The following CNTN4 variants were observed in gnomAD, a reference collection of about 807,000 sequenced individuals.
CNTN4 encodes contactin 4.
A neutral mutation model predicts 122.5 loss-of-function variants in CNTN4; 77 were observed. That is an observed-to-expected ratio of 0.63 (90% CI 0.52 to 0.76). CNTN4 has a LOEUF of 0.76. Ranked by LOEUF, CNTN4 falls within the 30% of genes least tolerant of loss-of-function variation. The pLI is 0.00. For missense variants in CNTN4, 1,256 were observed against 1,259.1 expected (o/e 1.00, Z 0.04); for synonymous variants, 512 against 447.0 (o/e 1.15, Z -1.83).
intron 4 of CNTN4, among the ~76,000 whole-genome samples, chr3:2,609,616 T>C (rs1356584922): frequency 6.6e-6 from 1 of 152,180 alleles, no homozygotes; most frequent in Admixed American, 6.5e-5. Flanking sequence ...ATCTCTAAAG[T>C]TAATTAAACA....
chr3:2,737,278 A>G (rs1226893988), intron 5 of CNTN4, among the ~76,000 whole-genome samples: 1 of 151,916 alleles, frequency 6.6e-6, no homozygotes, highest in Non-Finnish European at 1.5e-5. Flanking sequence ...ATGGGGTTTC[A>G]CCATGTTGGC....
chr3:3,039,582 G>T (rs1574899242), intron 19 of CNTN4: 1 of 211,436 alleles, frequency 4.7e-6, no homozygotes, highest in East Asian at 1.1e-4. Context: ...AGCAGTGAAA[G>T]AAATCACTCA....
At chr3:2,502,696 T>C (rs1253061252) in intron 3 of CNTN4, among the ~76,000 whole-genome samples, 1 of 152,176 alleles carries the variant, frequency 6.6e-6, no homozygotes, top group African/African-American at 2.4e-5. Context: ...TAGTCCACCA[T>C]ATTGTTGGAA....
At chr3:2,619,650 A>G (rs1029201373) in intron 4 of CNTN4, among the ~76,000 whole-genome samples, 2 of 152,230 alleles carry the variant, frequency 1.3e-5, no homozygotes, top group African/African-American at 2.4e-5. Flanking sequence ...GTTCTAGGAT[A>G]TCACACAGCA....
intron 4 of CNTN4, among the ~76,000 whole-genome samples, chr3:2,735,409 C>T (rs1453100594): frequency 6.6e-6 from 1 of 152,208 alleles, no homozygotes; most frequent in African/African-American, 2.4e-5. Flanking sequence ...TTTGTTACTG[C>T]TCCGTGACAA....
At chr3:2,381,335 C>T (rs928506043) in intron 3 of CNTN4, among the ~76,000 whole-genome samples, 1 of 151,992 alleles carries the variant, frequency 6.6e-6, no homozygotes, top group Admixed American at 6.6e-5. Flanking sequence ...GAGAAATGGG[C>T]CCCAATATTT....
rs141105957 is a variant in CNTN4 at position 2,141,069 on chromosome 3, G to C, written c.-145+40430G>C. Among the ~76,000 whole-genome samples, 734 of 152,276 alleles carry C rather than the reference G, an allele frequency of 4.8e-3. 6 individuals carry two copies. Among genetic ancestry groups the C allele is most frequent in the African/African-American group, 0.017 (693 of 41,552 alleles). ...TTCTTCAGCTGGAATATCAGTTGCTGGGGGAGCTGGAGAAACAATTCCCAA... is the reference window on the plus strand; with the variant it reads ...TTCTTCAGCTGGAATATCAGTTGCTCGGGGAGCTGGAGAAACAATTCCCAA... On this transcript the variant is annotated intron_variant, in intron 2 of 24. Coordinates refer to ENST00000418658, the MANE Select transcript of CNTN4 (RefSeq NM_175607.3).
At chr3:2,507,213 A>T (rs1158513416) in intron 3 of CNTN4, among the ~76,000 whole-genome samples, 4 of 152,062 alleles carry the variant, frequency 2.6e-5, no homozygotes, top group Admixed American at 2.0e-4. Flanking sequence ...AGGGTATCTT[A>T]AACATATTGA....
At chr3:2,326,171 G>A (rs972296575) in intron 2 of CNTN4, among the ~76,000 whole-genome samples, 1 of 152,166 alleles carries the variant, frequency 6.6e-6, no homozygotes, top group Non-Finnish European at 1.5e-5. Context: ...ATCAGCTGAA[G>A]GCCTGAATAG....
chr3:3,015,903 C>T (rs1697713090), intron 14 of CNTN4, among the ~76,000 whole-genome samples: 1 of 152,178 alleles, frequency 6.6e-6, no homozygotes, highest in South Asian at 2.1e-4. Flanking sequence ...TTCCTTTAAT[C>T]AGCAAAGATC....
chr3:2,991,739 T>C (rs1344262989), intron 14 of CNTN4, among the ~76,000 whole-genome samples: 1 of 152,170 alleles, frequency 6.6e-6, no homozygotes, highest in Non-Finnish European at 1.5e-5. Flanking sequence ...GCATGAACTG[T>C]GCCAAGTCCT....
intron 7 of CNTN4, among the ~76,000 whole-genome samples, chr3:2,850,832 T>G (rs1388325674): frequency 6.6e-6 from 1 of 152,192 alleles, no homozygotes; most frequent in Non-Finnish European, 1.5e-5. Flanking sequence ...TTGCCAGAGA[T>G]GGATTTTTTT....
chr3:2,862,446 A>T (rs372063220), intron 7 of CNTN4, among the ~76,000 whole-genome samples: 2 of 152,230 alleles, frequency 1.3e-5, no homozygotes, highest in East Asian at 1.9e-4. Flanking sequence ...GGATGCTGCA[A>T]ACCAAAAAAA....
At chr3:2,964,723 T>C (rs1018387348) in intron 13 of CNTN4, among the ~76,000 whole-genome samples, 6 of 152,328 alleles carry the variant, frequency 3.9e-5, no homozygotes, top group Non-Finnish European at 8.8e-5. Context: ...TCAAAGAACT[T>C]ATTTGTAAAT....
In CNTN4 at chr3:2,347,360, C is replaced by T. The variant is rs577615611; in HGVS notation, c.-89+8127C>T. ...ACACGTCATTTTTCCTCATATTCCACTAGCAAAAGAAGCCAATGGATGACT... is the reference window on the plus strand; with the variant it reads ...ACACGTCATTTTTCCTCATATTCCATTAGCAAAAGAAGCCAATGGATGACT... On this transcript the variant is annotated intron_variant, in intron 3 of 24. Transcript: ENST00000418658. Among the ~76,000 whole-genome samples, 45 of 147,534 alleles carry T rather than the reference C, an allele frequency of 3.1e-4. No homozygotes were observed. The South Asian group carries it at 5.4e-3, about 18-fold the overall frequency.
At chr3:2,303,585 T>C (rs1177452268) in intron 2 of CNTN4, among the ~76,000 whole-genome samples, 1 of 152,246 alleles carries the variant, frequency 6.6e-6, no homozygotes, top group Admixed American at 6.5e-5. Context: ...ATTTATTTAT[T>C]CATTAGATGA....
At chr3:2,708,994 A>T (rs2086930391) in intron 4 of CNTN4, among the ~76,000 whole-genome samples, 1 of 152,170 alleles carries the variant, frequency 6.6e-6, no homozygotes, top group African/African-American at 2.4e-5. Context: ...TACGTATTTT[A>T]ATGGGCGTTG....
chr3:2,966,429 TA>T (rs1692316486), intron 13 of CNTN4, among the ~76,000 whole-genome samples: 1 of 152,048 alleles, frequency 6.6e-6, no homozygotes, highest in Non-Finnish European at 1.5e-5. Context: ...AGCTAAAAAT[TA>T]AAACAATTGA....
At chr3:2,368,368 G>GT (rs1427619553) in intron 3 of CNTN4, among the ~76,000 whole-genome samples, 2 of 152,018 alleles carry the variant, frequency 1.3e-5, no homozygotes, top group Non-Finnish European at 2.9e-5. Flanking sequence ...CGAGGCTTCT[G>GT]TTTGATCTGT....
Sources: gnomAD v4.1 joint callset for allele counts (sites outside exome capture counted in the v4.1 genomes callset) on GRCh38, gnomAD v4.1.1 for gene constraint, MANE v1.5 for transcripts, NCBI Gene and HGNC (gene_info 2026-07-23, HGNC 2026-07-21) for gene names.